Variants in RARS2 observed in about 807,000 individuals in gnomAD.
RARS2 encodes the protein probable arginine--tRNA ligase, mitochondrial.
Under a neutral mutation model 88.5 loss-of-function variants are expected in RARS2, and 67 were observed. That is an observed-to-expected ratio of 0.76 (90% CI 0.62 to 0.93). RARS2 has a LOEUF of 0.93. Ranked by LOEUF, RARS2 falls within the 40% of genes least tolerant of loss-of-function variation. The pLI is 0.00. For synonymous variants in RARS2, 239 were observed against 230.3 expected, an observed-to-expected ratio of 1.04 and a Z score of -0.34; for missense variants, 664 against 684.2, an observed-to-expected ratio of 0.97 and a Z score of 0.33.
chr6:87,521,100 C>T (rs924350030), intron 12 of RARS2, among the ~76,000 whole-genome samples: 5 of 151,938 alleles, frequency 3.3e-5, no homozygotes, highest in Non-Finnish European at 5.9e-5. Flanking sequence ...GGGGAAACAC[C>T]GTACTATTTT....
intron 14 of RARS2, chr6:87,519,184 A>ATGTATGTGTGTG (rs1554173395): frequency 4.7e-6 from 1 of 214,778 alleles, no homozygotes; most frequent in Non-Finnish European, 8.9e-6. Flanking sequence ...ATAAATATAT[A>ATGTATGTGTGTG]TGTGTGTGTG....
At chr6:87,586,864 G>GA (rs1409423201) in intron 1 of RARS2, among the ~76,000 whole-genome samples, 1 of 151,000 alleles carries the variant, frequency 6.6e-6, no homozygotes. Context: ...TCCCTAAACT[G>GA]AAAATCTGTG....
rs530058831 is a variant in RARS2 at position 87,551,347 on chromosome 6, C to T, written c.396-2701G>A. Among the ~76,000 whole-genome samples the T allele has an allele frequency of 6.6e-5, 10 of 152,108 alleles. No individual in the cohort carries two copies. The East Asian group carries it at 9.7e-4, about 15-fold the overall frequency. ...AGGGACAGATAACATCACTCTTGGC[C>T]GGGCATGGTCGCTCACGTCTATAAT... On this transcript the variant is annotated intron_variant, in intron 5 of 19. Transcript: ENST00000369536.
chr6:87,550,637 T>C (rs1355196674), intron 5 of RARS2, among the ~76,000 whole-genome samples: 1 of 151,510 alleles, frequency 6.6e-6, no homozygotes, highest in Non-Finnish European at 1.5e-5. Context: ...TCAAATTATA[T>C]GTTTAAATAT....
intron 1 of RARS2, 27 bp from the exon 2 acceptor site, chr6:87,569,617 G>T (rs374202562): frequency 2.6e-6 from 4 of 1,532,702 alleles, no homozygotes; most frequent in Non-Finnish European, 3.6e-6. Flanking sequence ...ACAAAACAGT[G>T]TAAGATTGTT....
At chr6:87,578,368 T>C (rs1430630046) in intron 1 of RARS2, among the ~76,000 whole-genome samples, 6 of 152,194 alleles carry the variant, frequency 3.9e-5, no homozygotes, top group Non-Finnish European at 8.8e-5. Context: ...GAAATATACC[T>C]AAAAATAAAA....
At chr6:87,529,242 T>C (rs1210787976) in intron 10 of RARS2, among the ~76,000 whole-genome samples, 1 of 152,232 alleles carries the variant, frequency 6.6e-6, no homozygotes, top group Non-Finnish European at 1.5e-5. Context: ...TAATAAGATA[T>C]ATTTCCTTTT....
intron 4 of RARS2, among the ~76,000 whole-genome samples, chr6:87,562,404 G>A (rs974074190): frequency 1.8e-4 from 27 of 152,162 alleles, no homozygotes; most frequent in African/African-American, 5.6e-4. Flanking sequence ...ATATGGTATT[G>A]TCTTATGGGA....
chr6:87,542,036 AAC>A (rs1327031055), intron 7 of RARS2, 42 bp from the exon 8 acceptor site: 2 of 1,467,684 alleles, frequency 1.4e-6, no homozygotes, highest in South Asian at 1.1e-5. Flanking sequence ...AAAGTTGAAC[AAC>A]AGAGAATAGG....
At chr6:87,517,268 A>C (rs1772089570) in intron 17 of RARS2, among the ~76,000 whole-genome samples, 1 of 151,862 alleles carries the variant, frequency 6.6e-6, no homozygotes, top group Non-Finnish European at 1.5e-5. Context: ...ACAGAGCAAG[A>C]CTCCGTCTCA....
At chr6:87,582,597 T>C (rs967265444) in intron 1 of RARS2, among the ~76,000 whole-genome samples, 2 of 152,220 alleles carry the variant, frequency 1.3e-5, no homozygotes, top group African/African-American at 4.8e-5. Context: ...ATTATACAAC[T>C]TGTGCTTCTA....
intron 6 of RARS2, among the ~76,000 whole-genome samples, chr6:87,547,790 C>A (rs1783032489): frequency 1.3e-5 from 2 of 151,952 alleles, no homozygotes; most frequent in Admixed American, 1.3e-4. Flanking sequence ...CAGGTGCACA[C>A]CATCACACCA....
chr6:87,514,195 C>G lies in RARS2; in HGVS notation c.*218G>C, dbSNP rs1770764821. 6.6e-6 allele frequency among the ~76,000 whole-genome samples: 1 copy of G among 151,796 alleles called. No individual in the cohort carries two copies. The highest frequency in any genetic ancestry group is 6.6e-5 in the Admixed American group (1 of 15,236). On this transcript the variant is annotated 3_prime_UTR_variant, in exon 20 of 20. Transcript: ENST00000369536. ...GCGTGATGGCACGTGCCTGTAATCC[C>G]AGCTACTCAGGAGGCTGAGGCAGGA...
At chr6:87,520,080 A>T (rs1267552466) in intron 13 of RARS2, 100 bp downstream of exon 13, 6 of 1,036,552 alleles carry the variant, frequency 5.8e-6, no homozygotes, top group Non-Finnish European at 9.1e-6. Context: ...CAGTATCTTG[A>T]AACAAAGAAT....
At position 87,531,064 on chromosome 6, in the gene RARS2, A is replaced by C. The variant is rs1777381920; in HGVS notation, c.613-122T>G. On this transcript the variant is annotated intron_variant, in intron 8 of 19. Coordinates refer to ENST00000369536, the MANE Select transcript of RARS2 (RefSeq NM_020320.5). The stretch of plus-strand genomic sequence containing the variant: ...ATTTAAAATTTTCCAAGTTGGGTAC[A>C]TTACAGAGTGTAACTTTTTCTTTTT... 4 of 1,474,492 alleles carry C rather than the reference A, an allele frequency of 2.7e-6. No homozygotes were observed. In the East Asian group the frequency reaches 9.8e-5, roughly 36 times the overall value. The allele number at this position is 1,474,492 out of a possible 1,614,324, so 91.3% of individuals were successfully genotyped here.
At chr6:87,581,401 T>C (rs746591492) in intron 1 of RARS2, among the ~76,000 whole-genome samples, 7 of 152,098 alleles carry the variant, frequency 4.6e-5, no homozygotes, top group Non-Finnish European at 8.8e-5. Flanking sequence ...CACTACCAAG[T>C]CAGGCACTGT....
chr6:87,548,516 T>C, intron 6 of RARS2, 75 bp downstream of exon 6: 1 of 1,430,316 alleles, frequency 7.0e-7, no homozygotes, highest in Non-Finnish European at 9.7e-7. Context: ...TATTTAAGCA[T>C]TAAAACATTA....
At position 87,570,188 on chromosome 6, in the gene RARS2, CACAG is replaced by C. The variant is rs1173250059; in HGVS notation, c.37-602_37-599del. Among the ~76,000 whole-genome samples the C allele has an allele frequency of 4.6e-5, 7 of 152,238 alleles. No individual in the cohort carries two copies. The East Asian group carries it at 5.8e-4, about 13-fold the overall frequency. The stretch of plus-strand genomic sequence containing the variant: ...TGTGTTATATACATATATTTTGTAG[CACAG>C]ACAAAGTCTCGCTATGTTGCCCAGG... On this transcript the variant is annotated intron_variant, in intron 1 of 19. Transcript: ENST00000369536.
chr6:87,562,952 T>C (rs532707028), intron 3 of RARS2, among the ~76,000 whole-genome samples, 167 bp from the exon 4 acceptor site: 1 of 152,330 alleles, frequency 6.6e-6, no homozygotes, highest in East Asian at 1.9e-4. Flanking sequence ...TACTTCTATT[T>C]AAGTAAACAC....
Sources: allele counts gnomAD v4.1 joint callset (sites outside exome capture counted in the v4.1 genomes callset), GRCh38; gene constraint gnomAD v4.1.1; transcripts MANE v1.5; gene names NCBI Gene and HGNC (gene_info 2026-07-23, HGNC 2026-07-21).